CLSTN2: variants seen among roughly 807,000 people sequenced by gnomAD.
CLSTN2 encodes the protein calsyntenin 2, also known as calsyntenin-2.
In CLSTN2, 48 loss-of-function variants were observed where a neutral mutation model predicts 101.2. That is an observed-to-expected ratio of 0.47 (90% confidence interval 0.38 to 0.60). The LOEUF is 0.60. Among genes scored for constraint, CLSTN2 ranks in the 20% least tolerant of loss-of-function variants. The pLI is 0.00. For missense variants in CLSTN2, 1,160 were observed against 1,238.2 expected (o/e 0.94, Z 0.95); for synonymous variants, 481 against 463.6 (o/e 1.04, Z -0.48).
chr3:140,092,717 A>C (rs1239487467), intron 1 of CLSTN2, among the ~76,000 whole-genome samples: 6 of 152,202 alleles, frequency 3.9e-5, no homozygotes, highest in African/African-American at 1.4e-4. Flanking sequence ...GGACTCGAGC[A>C]AGTTAATTAC....
chr3:140,123,119 G>T (rs1268743432), intron 1 of CLSTN2, among the ~76,000 whole-genome samples: 1 of 133,466 alleles, frequency 7.5e-6, no homozygotes, highest in Non-Finnish European at 1.5e-5. Flanking sequence ...AGTGAGGGCT[G>T]ACTTTCTTGC....
intron 2 of CLSTN2, among the ~76,000 whole-genome samples, chr3:140,308,669 G>A (rs533554871): frequency 1.8e-4 from 27 of 152,334 alleles, no homozygotes; most frequent in Middle Eastern, 3.4e-3. Flanking sequence ...TTCTCAGCCA[G>A]CTGGAGTCTG....
At chr3:140,556,471 C>T in intron 10 of CLSTN2, 42 bp from the exon 11 acceptor site, 1 of 1,607,724 alleles carries the variant, frequency 6.2e-7, no homozygotes, top group Non-Finnish European at 8.5e-7. Flanking sequence ...CCATGTACAT[C>T]ACTGACCATT....
intron 2 of CLSTN2, among the ~76,000 whole-genome samples, chr3:140,257,561 G>GGTGTGTGT (rs397877641): frequency 5.8e-4 from 54 of 93,058 alleles, no homozygotes; most frequent in East Asian, 3.6e-3. Flanking sequence ...TCTTTCTAGG[G>GGTGTGTGT]GTGTGTGTGT....
chr3:140,210,612 T>A (rs1206163748), intron 2 of CLSTN2, among the ~76,000 whole-genome samples: 1 of 152,218 alleles, frequency 6.6e-6, no homozygotes, highest in African/African-American at 2.4e-5. Context: ...TAAGGAAACA[T>A]CAAGCTGCTT....
At chr3:140,079,178 A>G (rs1423602785) in intron 1 of CLSTN2, among the ~76,000 whole-genome samples, 1 of 152,082 alleles carries the variant, frequency 6.6e-6, no homozygotes, top group African/African-American at 2.4e-5. Context: ...TACTTACCAA[A>G]CCACAGGTAT....
At chr3:140,455,055 C>G (rs1197193041) in intron 6 of CLSTN2, among the ~76,000 whole-genome samples, 1 of 152,236 alleles carries the variant, frequency 6.6e-6, no homozygotes, top group Non-Finnish European at 1.5e-5. Context: ...CATTGCATCC[C>G]CCAAGGTAGA....
chr3:140,007,492 G>T (rs764071274), intron 1 of CLSTN2, among the ~76,000 whole-genome samples: 2 of 152,164 alleles, frequency 1.3e-5, no homozygotes, highest in Non-Finnish European at 2.9e-5. Context: ...TGGGTTTATG[G>T]TAATCCAATT....
chr3:140,260,045 G>T (rs1488549174), intron 2 of CLSTN2, among the ~76,000 whole-genome samples: 1 of 151,514 alleles, frequency 6.6e-6, no homozygotes, highest in Non-Finnish European at 1.5e-5. Flanking sequence ...GATGAAATCA[G>T]TTGTACACCA....
At chr3:139,982,365 T>G (rs1254099917) in intron 1 of CLSTN2, among the ~76,000 whole-genome samples, 1 of 137,168 alleles carries the variant, frequency 7.3e-6, no homozygotes, top group African/African-American at 2.7e-5. Flanking sequence ...TAAAACATCT[T>G]AAATTTTTTT....
At chr3:140,178,174 G>A (rs1039835375) in intron 2 of CLSTN2, among the ~76,000 whole-genome samples, 5 of 152,152 alleles carry the variant, frequency 3.3e-5, no homozygotes, top group East Asian at 1.9e-4. Context: ...AAGGGAAACC[G>A]AAGTCGTTGA....
At chr3:140,442,633 A>G (rs1192230376) in intron 5 of CLSTN2, among the ~76,000 whole-genome samples, 1 of 152,146 alleles carries the variant, frequency 6.6e-6, no homozygotes, top group East Asian at 1.9e-4. Flanking sequence ...TGACACCTGC[A>G]TGGATTGATC....
chr3:140,271,216 G>A (rs763905772), intron 2 of CLSTN2, among the ~76,000 whole-genome samples: 3 of 151,996 alleles, frequency 2.0e-5, no homozygotes, highest in Non-Finnish European at 2.9e-5. Context: ...TGCTCACCAG[G>A]GTCCCAGACA....
At chr3:139,998,264 T>C (rs1230017956) in intron 1 of CLSTN2, among the ~76,000 whole-genome samples, 1 of 150,228 alleles carries the variant, frequency 6.7e-6, no homozygotes, top group East Asian at 2.0e-4. Context: ...ATAGGAGAAC[T>C]GGAGCAGAGA....
intron 2 of CLSTN2, among the ~76,000 whole-genome samples, chr3:140,340,921 A>G (rs1259643926): frequency 6.6e-6 from 1 of 152,168 alleles, no homozygotes; most frequent in Non-Finnish European, 1.5e-5. Flanking sequence ...GACTTGCCTC[A>G]TGACTTTTTC....
intron 1 of CLSTN2, among the ~76,000 whole-genome samples, chr3:140,018,406 A>T (rs2107754520): frequency 6.6e-6 from 1 of 152,314 alleles, no homozygotes; most frequent in Middle Eastern, 3.4e-3. Flanking sequence ...GTTGGCTGTC[A>T]TAAGAAACTT....
At chr3:140,123,558 T>G (rs2107800388) in intron 1 of CLSTN2, among the ~76,000 whole-genome samples, 1 of 152,230 alleles carries the variant, frequency 6.6e-6, no homozygotes, top group South Asian at 2.1e-4. Context: ...GCCCTTGTGG[T>G]TCTCACATTC....
intron 8 of CLSTN2, among the ~76,000 whole-genome samples, chr3:140,518,168 T>G (rs558493504): frequency 2.8e-4 from 42 of 152,204 alleles, no homozygotes; most frequent in African/African-American, 9.9e-4. Flanking sequence ...CAGCACCGAG[T>G]TTATTTCCAG....
At chr3:139,954,586 A>G (rs1315973524) in intron 1 of CLSTN2, among the ~76,000 whole-genome samples, 1 of 152,150 alleles carries the variant, frequency 6.6e-6, no homozygotes, top group Non-Finnish European at 1.5e-5. Context: ...GAGTGCCTGC[A>G]GCCTACATAA....
Sources: gnomAD v4.1 joint callset for allele counts (sites outside exome capture counted in the v4.1 genomes callset) on GRCh38, gnomAD v4.1.1 for gene constraint, MANE v1.5 for transcripts, NCBI Gene and HGNC (gene_info 2026-07-23, HGNC 2026-07-21) for gene names.